Variants in KCNIP4 observed in about 807,000 individuals in gnomAD.
KCNIP4 encodes the protein potassium voltage-gated channel interacting protein 4, also known as Kv channel-interacting protein 4.
In KCNIP4, 12 loss-of-function variants were observed where a neutral mutation model predicts 34.0. The observed-to-expected ratio is 0.35, with a 90% CI of 0.23 to 0.57. KCNIP4 has a LOEUF of 0.57. Ranked by LOEUF, KCNIP4 falls within the 20% of genes least tolerant of loss-of-function variation. The pLI is 0.83. For missense variants in KCNIP4, 238 were observed against 311.7 expected (o/e 0.76, Z 1.78); for synonymous variants, 124 against 102.2 (o/e 1.21, Z -1.29).
chr4:21,020,534 A>G (rs912745321), intron 1 of KCNIP4, among the ~76,000 whole-genome samples: 4 of 151,990 alleles, frequency 2.6e-5, no homozygotes, highest in African/African-American at 9.7e-5. Context: ...TGACGTACCC[A>G]CCCTAAAAGG....
Position 21,079,477 on chromosome 4 carries a change from T to C in KCNIP4, c.62-196768A>G, listed in dbSNP as rs183244383. ...CTCAGTGTGACCTGCCATCCTACAC[T>C]TTTTACAAACTGCCCCACTTCTCAT... On this transcript the variant is annotated intron_variant, in intron 1 of 8. Coordinates refer to ENST00000382152, the MANE Select transcript of KCNIP4 (RefSeq NM_025221.6). Among the ~76,000 whole-genome samples, 406 of 152,092 alleles carry C rather than the reference T, an allele frequency of 2.7e-3. 2 individuals carry two copies. Among genetic ancestry groups the C allele is most frequent in the Non-Finnish European group, 3.9e-3 (267 of 68,006 alleles).
At chr4:20,907,715 AT>A (rs1004562240) in intron 1 of KCNIP4, among the ~76,000 whole-genome samples, 4 of 151,934 alleles carry the variant, frequency 2.6e-5, no homozygotes, top group African/African-American at 4.8e-5. Flanking sequence ...AGAAATGTAA[AT>A]TTTTTTATTT....
intron 1 of KCNIP4, among the ~76,000 whole-genome samples, chr4:21,280,611 C>G (rs905577171): frequency 2.6e-5 from 4 of 152,048 alleles, no homozygotes; most frequent in African/African-American, 9.7e-5. Flanking sequence ...CATTATTTTC[C>G]CCAAAAGTCC....
chr4:21,789,481 T>C (rs1384459185), intron 1 of KCNIP4, among the ~76,000 whole-genome samples: 3 of 152,152 alleles, frequency 2.0e-5, no homozygotes, highest in African/African-American at 7.2e-5. Context: ...TGGTCTCTTT[T>C]TCAGTAAGCA....
chr4:21,590,902 G>A (rs1456441527), intron 1 of KCNIP4, among the ~76,000 whole-genome samples: 2 of 151,874 alleles, frequency 1.3e-5, no homozygotes, highest in Non-Finnish European at 2.9e-5. Context: ...AGCAAGGCAG[G>A]TAAGTATCCC....
At chr4:21,353,842 A>C (rs1387029052) in intron 1 of KCNIP4, among the ~76,000 whole-genome samples, 2 of 152,178 alleles carry the variant, frequency 1.3e-5, no homozygotes, top group East Asian at 3.9e-4. Flanking sequence ...AAGACACACA[A>C]TTATCAGATT....
At chr4:21,681,754 G>A (rs1446995382) in intron 1 of KCNIP4, among the ~76,000 whole-genome samples, 1 of 152,174 alleles carries the variant, frequency 6.6e-6, no homozygotes, top group African/African-American at 2.4e-5. Context: ...AGGAAGCACA[G>A]CAGCATCTGC....
intron 3 of KCNIP4, among the ~76,000 whole-genome samples, chr4:20,776,914 G>T (rs1756419138): frequency 6.6e-6 from 1 of 151,660 alleles, no homozygotes; most frequent in Non-Finnish European, 1.5e-5. Context: ...GATTACTTTA[G>T]ATCAAAACAC....
chr4:20,745,167 C>A (rs549443743), intron 5 of KCNIP4, among the ~76,000 whole-genome samples: 7 of 152,290 alleles, frequency 4.6e-5, no homozygotes, highest in African/African-American at 1.4e-4. Flanking sequence ...AGGTTGTAGC[C>A]AGCCCCATCT....
chr4:21,166,775 C>T (rs1333402564), intron 1 of KCNIP4, among the ~76,000 whole-genome samples: 1 of 151,762 alleles, frequency 6.6e-6, no homozygotes, highest in African/African-American at 2.4e-5. Flanking sequence ...CCCGTCTCTG[C>T]TAAAAATACA....
chr4:20,787,545 G>A, intron 3 of KCNIP4, among the ~76,000 whole-genome samples: 1 of 152,044 alleles, frequency 6.6e-6, no homozygotes, highest in East Asian at 1.9e-4. Context: ...TGGAATGAAT[G>A]TAAATAAGTC....
intron 1 of KCNIP4, among the ~76,000 whole-genome samples, chr4:20,906,210 A>C (rs1475190702): frequency 6.6e-6 from 1 of 151,900 alleles, no homozygotes; most frequent in Non-Finnish European, 1.5e-5. Flanking sequence ...GGGGCAAATC[A>C]CTATCAGCTG....
intron 1 of KCNIP4, among the ~76,000 whole-genome samples, chr4:21,545,145 C>T (rs934886078): frequency 5.3e-5 from 8 of 152,068 alleles, no homozygotes; most frequent in African/African-American, 1.7e-4. Context: ...AATGGATTAG[C>T]ATGTTAAAAG....
chr4:21,327,832 TAAGA>T (rs1715245619), intron 1 of KCNIP4, among the ~76,000 whole-genome samples: 1 of 152,022 alleles, frequency 6.6e-6, no homozygotes, highest in Non-Finnish European at 1.5e-5. Flanking sequence ...ATTCTGCTGT[TAAGA>T]AAGTCTGATG....
Position 20,788,725 on chromosome 4 carries a change from T to C in KCNIP4, c.289-29835A>G, listed in dbSNP as rs977754764. Among the ~76,000 whole-genome samples, 6 of 152,152 alleles carry C rather than the reference T, an allele frequency of 3.9e-5. No homozygotes were observed. The South Asian group carries it at 1.0e-3, about 26-fold the overall frequency. On this transcript the variant is annotated intron_variant, in intron 3 of 8. Transcript: ENST00000382152. ...ACAAAACAAAACAGAAATGGCCTAGTGTAATTGTTAAGAAGAGGAGAAAAA... is the reference window on the plus strand; with the variant it reads ...ACAAAACAAAACAGAAATGGCCTAGCGTAATTGTTAAGAAGAGGAGAAAAA...
Position 21,007,431 on chromosome 4 carries a change from G to A in KCNIP4, c.62-124722C>T, listed in dbSNP as rs533038877. On this transcript the variant is annotated intron_variant, in intron 1 of 8. Coordinates refer to ENST00000382152, the MANE Select transcript of KCNIP4 (RefSeq NM_025221.6). ...TACATAGTAGATGTATATATTTATG[G>A]AGTATATGGGATATTTAGATAGACT... Among the ~76,000 whole-genome samples the A allele has an allele frequency of 3.2e-4, 49 of 152,206 alleles. No individual in the cohort carries two copies. In the South Asian group the frequency reaches 5.0e-3, roughly 15 times the overall value.
At chr4:20,790,446 T>C (rs1219724913) in intron 3 of KCNIP4, among the ~76,000 whole-genome samples, 8 of 152,222 alleles carry the variant, frequency 5.3e-5, no homozygotes, top group Admixed American at 3.3e-4. Context: ...TACAAACATT[T>C]TAATTTTTAA....
chr4:21,528,850 A>G (rs904049059), intron 1 of KCNIP4, among the ~76,000 whole-genome samples: 1 of 148,464 alleles, frequency 6.7e-6, no homozygotes, highest in Non-Finnish European at 1.5e-5. Flanking sequence ...GAAGGAAGGA[A>G]GGAAGGAAGG....
chr4:21,110,015 A>G (rs1577709407), intron 1 of KCNIP4, among the ~76,000 whole-genome samples: 2 of 152,146 alleles, frequency 1.3e-5, no homozygotes, highest in Non-Finnish European at 1.5e-5. Flanking sequence ...AGCCTTCTGA[A>G]CCCTCATCAG....
Sources: gnomAD v4.1 joint callset for allele counts (sites outside exome capture counted in the v4.1 genomes callset) on GRCh38, gnomAD v4.1.1 for gene constraint, MANE v1.5 for transcripts, NCBI Gene and HGNC (gene_info 2026-07-23, HGNC 2026-07-21) for gene names.